DZIP3: variants seen among roughly 807,000 people sequenced by gnomAD.
DZIP3 encodes the protein DAZ interacting zinc finger protein 3.
Under a neutral mutation model 162.0 loss-of-function variants are expected in DZIP3, and 118 were observed. The ratio of observed to expected loss-of-function variants is 0.73; its 90% CI spans 0.63 to 0.85. DZIP3 has a LOEUF of 0.85. Ranked by LOEUF, DZIP3 falls within the 40% of genes least tolerant of loss-of-function variation. The pLI, the probability that DZIP3 is intolerant of heterozygous loss-of-function variation, is 0.00. For synonymous variants in DZIP3, 438 were observed against 458.6 expected, an observed-to-expected ratio of 0.96 and a Z score of 0.57; for missense variants, 1,331 against 1,407.0, an observed-to-expected ratio of 0.95 and a Z score of 0.86.
At chr3:108,629,229 A>G (rs1288162390) in intron 8 of DZIP3, 53 bp downstream of exon 8, 1 of 1,139,882 alleles carries the variant, frequency 8.8e-7, no homozygotes, top group East Asian at 2.5e-5. Flanking sequence ...AGAATAACCA[A>G]CTATATCATA....
At position 108,688,884 on chromosome 3, in the gene DZIP3, A is replaced by C; in HGVS notation, c.3476A>C (p.Asn1159Thr). Residue 1159 changes from asparagine to threonine, a missense_variant, in exon 31 of 33, where the codon AAT (asparagine) becomes ACT (threonine). Transcript: ENST00000361582. ...VICHENLSPE[N>T]LSVLPCAHKF... ...TGTCATGAGAATCTGTCTCCAGAAA[A>C]TCTTTCAGTTTTGCCTTGCGCTCAC... is the stretch of plus-strand genomic sequence containing the variant. 6.2e-7 allele frequency: 1 copy of C among 1,614,186 alleles called. No homozygotes were observed. Among genetic ancestry groups the C allele is most frequent in the African/African-American group, 1.3e-5 (1 of 75,052 alleles).
At chr3:108,631,785 T>A (rs1217824907) in intron 8 of DZIP3, among the ~76,000 whole-genome samples, 1 of 151,572 alleles carries the variant, frequency 6.6e-6, no homozygotes, top group Non-Finnish European at 1.5e-5. Context: ...ACCTGTTTTA[T>A]TTTCTTCTTT....
chr3:108,681,037 T>C (rs1394576881), intron 26 of DZIP3, among the ~76,000 whole-genome samples: 1 of 152,154 alleles, frequency 6.6e-6, no homozygotes, highest in East Asian at 1.9e-4. Flanking sequence ...GACATAGGCA[T>C]GGGCAAAGAC....
In DZIP3 at chr3:108,662,939, T is replaced by C. The variant is rs188513223; in HGVS notation, c.2423+682T>C. 5.1e-3 allele frequency among the ~76,000 whole-genome samples: 773 copies of C among 152,316 alleles called. 3 individuals are homozygous for C. The highest frequency in any genetic ancestry group is 7.9e-3 in the Non-Finnish European group (539 of 68,024). On this transcript the variant is annotated intron_variant, in intron 21 of 32. Coordinates refer to ENST00000361582, the MANE Select transcript of DZIP3 (RefSeq NM_014648.4). ...CACCAGCCATCCAAGAAGTCTAGTTTAAAATCCATTGCAGTTTCTAGAATG... is the reference window on the plus strand; with the variant it reads ...CACCAGCCATCCAAGAAGTCTAGTTCAAAATCCATTGCAGTTTCTAGAATG...
chr3:108,641,002 C>A (rs1329195311), intron 12 of DZIP3, among the ~76,000 whole-genome samples: 1 of 151,332 alleles, frequency 6.6e-6, no homozygotes, highest in African/African-American at 2.4e-5. Context: ...GGTTGGAAAT[C>A]TACTGTCTTC....
intron 17 of DZIP3, among the ~76,000 whole-genome samples, chr3:108,650,143 C>G (rs1343278939): frequency 6.6e-6 from 1 of 151,780 alleles, no homozygotes; most frequent in Non-Finnish European, 1.5e-5. Flanking sequence ...CTCAAGCTCT[C>G]AAATTTTTGG....
intron 6 of DZIP3, among the ~76,000 whole-genome samples, chr3:108,625,292 G>T (rs1941541739): frequency 6.6e-6 from 1 of 152,088 alleles, no homozygotes; most frequent in African/African-American, 2.4e-5. Flanking sequence ...ATATCTATGG[G>T]CAACAAATCA....
intron 17 of DZIP3, 21 bp from the exon 18 acceptor site, chr3:108,651,116 A>G: frequency 1.4e-6 from 1 of 692,774 alleles, no homozygotes; most frequent in Admixed American, 3.7e-5. Flanking sequence ...ATAGATTACT[A>G]ATTCTTATGT....
At chr3:108,641,270 G>A (rs1942387632) in intron 12 of DZIP3, among the ~76,000 whole-genome samples, 1 of 151,526 alleles carries the variant, frequency 6.6e-6, no homozygotes, top group African/African-American at 2.4e-5. Flanking sequence ...ATAATATATT[G>A]TTACTTATAA....
intron 25 of DZIP3, among the ~76,000 whole-genome samples, chr3:108,677,034 A>G (rs1201078532): frequency 6.6e-6 from 1 of 152,156 alleles, no homozygotes; most frequent in East Asian, 1.9e-4. Context: ...AACACAATGT[A>G]GAATTTCATA....
In DZIP3 at chr3:108,654,175, G is replaced by A. The variant is rs2969901; in HGVS notation, c.2064G>A (p.Leu688=). The A allele has an allele frequency of 0.34, 555,531 of 1,612,550 alleles. 100,328 individuals carry two copies. Among genetic ancestry groups the A allele is most frequent in the Middle Eastern group, 0.38 (2,285 of 6,054 alleles). ...VPYVVEKEEQ[L]RKEQANPHSV... is the part of the protein sequence containing the mutation. Reference sequence around the variant, plus strand: ...ATGTGGTAGAAAAGGAAGAGCAGTTGAGGAAAGAACAAGCAAATCCACACT... The same window carrying A: ...ATGTGGTAGAAAAGGAAGAGCAGTTAAGGAAAGAACAAGCAAATCCACACT... Residue 688 remains leucine (L), a synonymous_variant, in exon 19 of 33, where the codon TTG becomes TTA. Coordinates refer to ENST00000361582, the MANE Select transcript of DZIP3 (RefSeq NM_014648.4).
chr3:108,643,358 T>A lies in DZIP3; in HGVS notation c.1142-806T>A, dbSNP rs77509917. On this transcript the variant is annotated intron_variant, in intron 13 of 32. Coordinates refer to ENST00000361582, the MANE Select transcript of DZIP3 (RefSeq NM_014648.4). The stretch of plus-strand genomic sequence containing the variant: ...TCCATGTTATTGATGAAATACCTAC[T>A]TATCTTTTTTTGAGGGGGTGAGAAG... 4.6e-3 allele frequency among the ~76,000 whole-genome samples: 696 copies of A among 152,266 alleles called. 8 individuals carry two copies. The highest frequency in any genetic ancestry group is 0.015 in the African/African-American group (638 of 41,556).
At chr3:108,683,562 G>A (rs1944394469) in intron 26 of DZIP3, among the ~76,000 whole-genome samples, 2 of 152,092 alleles carry the variant, frequency 1.3e-5, no homozygotes, top group African/African-American at 2.4e-5. Flanking sequence ...AGCCAGCAAG[G>A]TATCTTTTCC....
chr3:108,630,462 T>G (rs1941779897), intron 8 of DZIP3, among the ~76,000 whole-genome samples: 1 of 152,056 alleles, frequency 6.6e-6, no homozygotes, highest in African/African-American at 2.4e-5. Context: ...GGACAAAAAC[T>G]GACAGAATTG....
intron 19 of DZIP3, among the ~76,000 whole-genome samples, chr3:108,656,096 GAAACC>G (rs1943103542): frequency 6.6e-6 from 1 of 152,236 alleles, no homozygotes; most frequent in African/African-American, 2.4e-5. Context: ...AAAGGCAGCA[GAAACC>G]TCTGCAGACT....
intron 26 of DZIP3, among the ~76,000 whole-genome samples, chr3:108,683,610 C>G (rs555894496): frequency 9.2e-5 from 14 of 152,234 alleles, no homozygotes; most frequent in South Asian, 2.1e-4. Context: ...TTCCATAACC[C>G]CCTGGGAAGT....
chr3:108,690,699 T>A, intron 31 of DZIP3, 88 bp from the exon 32 acceptor site: 1 of 1,146,200 alleles, frequency 8.7e-7, no homozygotes, highest in Non-Finnish European at 1.3e-6. Context: ...CCAGAAGACA[T>A]GTTGGTTGGT....
intron 24 of DZIP3, among the ~76,000 whole-genome samples, 158 bp downstream of exon 24, chr3:108,674,339 C>T (rs949519545): frequency 7.3e-5 from 11 of 151,714 alleles, no homozygotes; most frequent in African/African-American, 2.7e-4. Context: ...TTTTTTCCCC[C>T]TGAAATTCCT....
intron 26 of DZIP3, among the ~76,000 whole-genome samples, chr3:108,683,018 A>T (rs1427861292): frequency 6.6e-6 from 1 of 150,878 alleles, no homozygotes; most frequent in Non-Finnish European, 1.5e-5. Context: ...ACACATATGT[A>T]AAAAATAGTA....
Sources: allele counts gnomAD v4.1 joint callset (sites outside exome capture counted in the v4.1 genomes callset), GRCh38; gene constraint gnomAD v4.1.1; transcripts MANE v1.5; gene names NCBI Gene and HGNC (gene_info 2026-07-23, HGNC 2026-07-21).